EYA1: variants seen among roughly 807,000 people sequenced by gnomAD.
EYA1 encodes the protein protein phosphatase EYA1.
Under a neutral mutation model 82.0 loss-of-function variants are expected in EYA1, and 16 were observed. The ratio of observed to expected loss-of-function variants is 0.20; its 90% CI spans 0.13 to 0.30. EYA1 has a LOEUF of 0.30. Among genes scored for constraint, EYA1 ranks in the 10% least tolerant of loss-of-function variants. The pLI is 1.00. For synonymous variants in EYA1, 261 were observed against 264.4 expected, an observed-to-expected ratio of 0.99 and a Z score of 0.12; for missense variants, 633 against 730.7, an observed-to-expected ratio of 0.87 and a Z score of 1.54.
chr8:71,502,688 A>G (rs568386685), intron 2 of EYA1, among the ~76,000 whole-genome samples: 71 of 152,322 alleles, frequency 4.7e-4, no homozygotes, highest in Non-Finnish European at 8.1e-4. Flanking sequence ...TTATCACGCT[A>G]CAGATAAGGT....
Position 71,321,890 on chromosome 8 carries a change from G to C in EYA1, c.273-11C>G. On this transcript the variant is annotated splice_polypyrimidine_tract_variant and intron_variant, in intron 5 of 17. Coordinates refer to ENST00000340726, the MANE Select transcript of EYA1 (RefSeq NM_000503.6). ...TGTGGGTATGGTCTGCTATTTGTCA[G>C]AAATGACAGAAAATAGAAAGCCCAT... 6.2e-7 allele frequency: 1 copy of C among 1,614,222 alleles called. No individual in the cohort carries two copies. The highest frequency in any genetic ancestry group is 1.1e-5 in the South Asian group (1 of 91,088).
chr8:71,311,444 C>T (rs950505348), intron 7 of EYA1, among the ~76,000 whole-genome samples: 9 of 151,230 alleles, frequency 6.0e-5, no homozygotes, highest in African/African-American at 2.2e-4. Context: ...TGGTAAGCAG[C>T]AGTAAAAACA....
intron 7 of EYA1, among the ~76,000 whole-genome samples, chr8:71,301,937 T>TA (rs1252566014): frequency 6.6e-6 from 1 of 152,128 alleles, no homozygotes; most frequent in African/African-American, 2.4e-5. Context: ...CATTGTCCCT[T>TA]ACAGGCATAT....
At chr8:71,356,668 G>A in intron 1 of EYA1, 157 bp from the exon 2 acceptor site, 1 of 1,336,850 alleles carries the variant, frequency 7.5e-7, no homozygotes, top group Non-Finnish European at 9.6e-7. Context: ...TTGTCTTTAA[G>A]TTGAGGTCTC....
At chr8:71,422,580 A>G (rs1831201515) in intron 2 of EYA1, among the ~76,000 whole-genome samples, 1 of 152,198 alleles carries the variant, frequency 6.6e-6, no homozygotes, top group Admixed American at 6.6e-5. Flanking sequence ...GCTAATAAAG[A>G]CATACCCAAG....
chr8:71,430,865 C>G (rs146650112), intron 2 of EYA1, among the ~76,000 whole-genome samples: 3 of 145,044 alleles, frequency 2.1e-5, no homozygotes, highest in Non-Finnish European at 4.5e-5. Context: ...AACTGAAACA[C>G]AGGTAGTTGG....
chr8:71,456,438 C>T lies in EYA1; in HGVS notation c.33+79306G>A, dbSNP rs528220458. Reference sequence around the variant, plus strand: ...GTTCATATGGAACCAAAAAAGAGTCCGCATTGCCAAGTCAATCCTAAGCCA... The same window carrying T: ...GTTCATATGGAACCAAAAAAGAGTCTGCATTGCCAAGTCAATCCTAAGCCA... On this transcript the variant is annotated intron_variant, in intron 2 of 18. Coordinates refer to the EYA1 transcript ENST00000643681. Among the ~76,000 whole-genome samples the T allele has an allele frequency of 5.9e-5, 9 of 152,160 alleles. No homozygotes were observed. The South Asian group carries it at 1.2e-3, about 21-fold the overall frequency.
intron 2 of EYA1, among the ~76,000 whole-genome samples, chr8:71,390,997 A>T (rs973799041): frequency 6.6e-6 from 1 of 152,000 alleles, no homozygotes; most frequent in African/African-American, 2.4e-5. Context: ...TTTTTGAGAC[A>T]GGGTCTCGCT....
At chr8:71,530,507 T>C (rs1368093955) in intron 2 of EYA1, among the ~76,000 whole-genome samples, 2 of 152,194 alleles carry the variant, frequency 1.3e-5, no homozygotes, top group East Asian at 1.9e-4. Flanking sequence ...CTGGATTCCA[T>C]GGTTTTATAT....
At chr8:71,536,082 C>T (rs1027590673) in intron 1 of EYA1, among the ~76,000 whole-genome samples, 1 of 152,152 alleles carries the variant, frequency 6.6e-6, no homozygotes, top group African/African-American at 2.4e-5. Context: ...CAGCTGCAGC[C>T]CAAGGAAAGA....
At chr8:71,369,523 C>T (rs774667810) in intron 2 of EYA1, among the ~76,000 whole-genome samples, 1 of 152,274 alleles carries the variant, frequency 6.6e-6, no homozygotes, top group East Asian at 1.9e-4. Flanking sequence ...TGCAGTGGTA[C>T]ACACCTTACC....
chr8:71,334,067 T>C (rs1173639178), intron 4 of EYA1, 30 bp downstream of exon 4: 2 of 1,507,000 alleles, frequency 1.3e-6, no homozygotes, highest in Admixed American at 3.3e-5. Context: ...TGCTTGGTGT[T>C]GATGTGAAAA....
At chr8:71,408,201 C>G (rs1362205796) in intron 2 of EYA1, among the ~76,000 whole-genome samples, 1 of 151,782 alleles carries the variant, frequency 6.6e-6, no homozygotes, top group Non-Finnish European at 1.5e-5. Context: ...TAGGCCTGCC[C>G]TAAAAGAGCT....
chr8:71,535,597 T>C, intron 2 of EYA1: 1 of 563,324 alleles, frequency 1.8e-6, no homozygotes, highest in South Asian at 2.6e-5. Flanking sequence ...GTGTACTACT[T>C]AATTCATAAC....
intron 2 of EYA1, among the ~76,000 whole-genome samples, chr8:71,487,581 C>G (rs1370318569): frequency 2.0e-5 from 3 of 152,098 alleles, no homozygotes; most frequent in Non-Finnish European, 2.9e-5. Context: ...CTTTTGTCCA[C>G]CTAAAAATAA....
upstream of EYA1, among the ~76,000 whole-genome samples, chr8:71,367,127 G>C (rs1338484041): frequency 6.6e-6 from 1 of 151,902 alleles, no homozygotes; most frequent in Non-Finnish European, 1.5e-5. Context: ...TATTCAAAAA[G>C]GTTAATTATT....
intron 4 of EYA1, among the ~76,000 whole-genome samples, chr8:71,331,708 C>G (rs1823894313): frequency 6.6e-6 from 1 of 152,022 alleles, no homozygotes; most frequent in African/African-American, 2.4e-5. Context: ...TGCTTTTTCT[C>G]TTAATATAGT....
intron 2 of EYA1, among the ~76,000 whole-genome samples, chr8:71,491,240 CTTTTTA>C (rs1294878816): frequency 2.0e-5 from 3 of 152,042 alleles, no homozygotes; most frequent in African/African-American, 7.3e-5. Context: ...ATTGTGTTCT[CTTTTTA>C]TTTTTTTAAA....
In EYA1 at chr8:71,483,318, T is replaced by C. The variant is rs146376521; in HGVS notation, c.33+52426A>G. ...TAAATGTCATCTTCTCACCAAGCTCTATCTGAGCTCATCCTGTTTAACACT... is the reference window on the plus strand; with the variant it reads ...TAAATGTCATCTTCTCACCAAGCTCCATCTGAGCTCATCCTGTTTAACACT... On this transcript the variant is annotated intron_variant, in intron 2 of 18. Transcript: ENST00000643681. Among the ~76,000 whole-genome samples the C allele has an allele frequency of 9.7e-3, 1,473 of 152,180 alleles. 15 individuals are homozygous for C. Among genetic ancestry groups the C allele is most frequent in the African/African-American group, 0.034 (1,395 of 41,482 alleles).
Sources: gnomAD v4.1 joint callset for allele counts (sites outside exome capture counted in the v4.1 genomes callset) on GRCh38, gnomAD v4.1.1 for gene constraint, MANE v1.5 for transcripts, NCBI Gene and HGNC (gene_info 2026-07-23, HGNC 2026-07-21) for gene names.